RBFOX1: variants seen among roughly 807,000 people sequenced by gnomAD.
RBFOX1 encodes the protein RNA binding protein fox-1 homolog 1.
RBFOX1 carries 8 observed loss-of-function variants against 57.7 expected under a neutral mutation model. That is an observed-to-expected ratio of 0.14 (90% CI 0.08 to 0.25). RBFOX1 has a LOEUF of 0.25. Ranked by LOEUF, RBFOX1 falls within the 10% of genes least tolerant of loss-of-function variation. The pLI, the probability that RBFOX1 is intolerant of heterozygous loss-of-function variation, is 1.00. For missense variants in RBFOX1, 611 were observed against 548.5 expected (o/e 1.11, Z -1.14); for synonymous variants, 326 against 222.4 (o/e 1.47, Z -4.15).
chr16:6,227,762 A>G (rs2097428890), intron 1 of RBFOX1, among the ~76,000 whole-genome samples: 1 of 152,340 alleles, frequency 6.6e-6, no homozygotes, highest in East Asian at 1.9e-4. Context: ...GTGTTTTGCG[A>G]TAAAAAATGA....
At chr16:5,878,098 G>C (rs1166564208) in intron 4 of RBFOX1, among the ~76,000 whole-genome samples, 1 of 152,170 alleles carries the variant, frequency 6.6e-6, no homozygotes, top group Non-Finnish European at 1.5e-5. Flanking sequence ...TTGAAAAATA[G>C]CAAAGAGATT....
At chr16:7,700,615 A>C (rs910789073) in intron 14 of RBFOX1, among the ~76,000 whole-genome samples, 3 of 152,220 alleles carry the variant, frequency 2.0e-5, no homozygotes, top group African/African-American at 7.2e-5. Context: ...GTAGACAAAC[A>C]AAGGAGAAAT....
intron 4 of RBFOX1, among the ~76,000 whole-genome samples, chr16:7,447,278 C>T (rs1007534649): frequency 1.3e-5 from 2 of 151,562 alleles, no homozygotes; most frequent in African/African-American, 4.8e-5. Flanking sequence ...ACTAAAAATA[C>T]AAAAATTAGC....
chr16:5,532,354 G>C (rs922950687), intron 2 of RBFOX1, among the ~76,000 whole-genome samples: 4 of 152,140 alleles, frequency 2.6e-5, no homozygotes, highest in Non-Finnish European at 5.9e-5. Context: ...AAGCTCCTTT[G>C]GGCTTTTTGG....
intron 3 of RBFOX1, among the ~76,000 whole-genome samples, chr16:6,657,018 CTT>C (rs1301445350): frequency 8.8e-6 from 1 of 113,768 alleles, no homozygotes. Context: ...CTCTCCTCCC[CTT>C]TCCTCTCCTG....
At chr16:5,611,718 C>CCA (rs2047800841) in intron 3 of RBFOX1, among the ~76,000 whole-genome samples, 27 of 144,876 alleles carry the variant, frequency 1.9e-4, no homozygotes, top group Admixed American at 4.3e-4. Context: ...ATCCATCCAT[C>CCA]TATCCATCCA....
At chr16:5,250,747 C>T (rs1402502783) in intron 1 of RBFOX1, among the ~76,000 whole-genome samples, 1 of 152,248 alleles carries the variant, frequency 6.6e-6, no homozygotes, top group African/African-American at 2.4e-5. Context: ...CGTGTGGATG[C>T]ACCACGCTTC....
intron 3 of RBFOX1, among the ~76,000 whole-genome samples, chr16:6,743,242 GAAAC>G (rs997115688): frequency 2.0e-5 from 3 of 152,054 alleles, no homozygotes; most frequent in African/African-American, 7.2e-5. Context: ...CAATTATTGT[GAAAC>G]AAGACACAAA....
intron 4 of RBFOX1, among the ~76,000 whole-genome samples, chr16:7,329,163 G>T (rs945020997): frequency 6.6e-6 from 1 of 152,158 alleles, no homozygotes; most frequent in African/African-American, 2.4e-5. Flanking sequence ...TATTATCTGA[G>T]TGTTTACAGA....
intron 3 of RBFOX1, among the ~76,000 whole-genome samples, chr16:6,913,329 G>A (rs1454586497): frequency 6.6e-6 from 1 of 152,096 alleles, no homozygotes. Context: ...CTGGGGATAA[G>A]GAGAATGGTC....
chr16:5,827,054 T>C (rs1321430382), intron 3 of RBFOX1, among the ~76,000 whole-genome samples: 1 of 152,160 alleles, frequency 6.6e-6, no homozygotes, highest in Non-Finnish European at 1.5e-5. Context: ...CGAATATTCT[T>C]TCTCCTGTTG....
At chr16:7,486,117 C>CTTTTTTT (rs61448458) in intron 4 of RBFOX1, among the ~76,000 whole-genome samples, 28 of 77,332 alleles carry the variant, frequency 3.6e-4, no homozygotes, top group East Asian at 9.0e-4. Flanking sequence ...GTGTTTGTGT[C>CTTTTTTT]TTTTTTTTTT....
At chr16:7,285,632 T>A (rs796737876) in intron 4 of RBFOX1, among the ~76,000 whole-genome samples, 27 of 152,256 alleles carry the variant, frequency 1.8e-4, no homozygotes, top group African/African-American at 6.5e-4. Flanking sequence ...ACCCATATAG[T>A]ACCTGACTTT....
chr16:5,309,655 T>C (rs1195644408), intron 1 of RBFOX1, among the ~76,000 whole-genome samples: 1 of 152,184 alleles, frequency 6.6e-6, no homozygotes, highest in African/African-American at 2.4e-5. Flanking sequence ...CATTCCTCAC[T>C]CCCCTCCCAC....
chr16:5,860,070 T>C (rs1775950033), intron 3 of RBFOX1, among the ~76,000 whole-genome samples: 2 of 152,146 alleles, frequency 1.3e-5, no homozygotes, highest in South Asian at 4.2e-4. Context: ...CAGTAGACAG[T>C]AGTGGACACT....
At chr16:7,538,278 A>AT (rs767337851) in intron 5 of RBFOX1, among the ~76,000 whole-genome samples, 13 of 152,160 alleles carry the variant, frequency 8.5e-5, no homozygotes, top group Non-Finnish European at 1.8e-4. Context: ...ATCCTTATTT[A>AT]AAGCCTCCTA....
chr16:6,033,724 T>G (rs1460329715), intron 1 of RBFOX1, among the ~76,000 whole-genome samples: 1 of 152,250 alleles, frequency 6.6e-6, no homozygotes, highest in South Asian at 2.1e-4. Context: ...TTTCCATTTT[T>G]GAAGCGCTAC....
At chr16:5,657,265 C>A (rs1411562643) in intron 3 of RBFOX1, among the ~76,000 whole-genome samples, 1 of 152,198 alleles carries the variant, frequency 6.6e-6, no homozygotes, top group East Asian at 1.9e-4. Context: ...GATTTCCTGA[C>A]AAATTCACAT....
At chr16:7,676,996 TAGAG>T (rs574125778) in intron 14 of RBFOX1, among the ~76,000 whole-genome samples, 158 bp downstream of exon 14, 136 of 151,830 alleles carry the variant, frequency 9.0e-4, no homozygotes, top group African/African-American at 3.2e-3. Context: ...CAAGTCCCCA[TAGAG>T]AGAGGGCAAA....
Sources: allele counts gnomAD v4.1 joint callset (sites outside exome capture counted in the v4.1 genomes callset), GRCh38; gene constraint gnomAD v4.1.1; transcripts MANE v1.5; gene names NCBI Gene and HGNC (gene_info 2026-07-23, HGNC 2026-07-21).